Variants in UPF3B observed in about 807,000 individuals in gnomAD.
UPF3B encodes UPF3B regulator of nonsense mediated mRNA decay, also known as regulator of nonsense transcripts 3B.
A neutral mutation model predicts 40.3 loss-of-function variants in UPF3B; 7 were observed. The observed-to-expected ratio is 0.17, with a 90% CI of 0.10 to 0.33. The LOEUF (loss-of-function observed/expected upper bound fraction) is 0.33. Ranked by LOEUF, UPF3B falls within the 10% of genes least tolerant of loss-of-function variation. The pLI, the probability that UPF3B is intolerant of heterozygous loss-of-function variation, is 1.00. For missense variants in UPF3B, 229 were observed against 358.9 expected (o/e 0.64, Z 2.93); for synonymous variants, 117 against 117.3 (o/e 1.00, Z 0.01).
chrX:119,831,309 TCTC>T (rs1412318652), downstream of UPF3B, among the ~76,000 whole-genome samples: 8 of 106,662 alleles, frequency 7.5e-5, no homozygotes, highest in Admixed American at 6.0e-4. Flanking sequence ...ATCACACACC[TCTC>T]CTCCTCCTTT....
chrX:119,822,995 G>A lies in UPF3B; in HGVS notation c.442C>T (p.Arg148Ter). 1.1e-6 allele frequency: 1 copy of A among 890,506 alleles called. No individual in the cohort carries two copies. Among genetic ancestry groups the A allele is most frequent in the South Asian group, 3.2e-5 (1 of 31,470 alleles). 73.4% of individuals were successfully genotyped at this position (890,506 alleles called of 1,213,427 possible). ...GACTTGTCATCAGGGTGCCAGAGTC[G>A]ACCTCGGCCTCGAGCTCCTCGATGG... is the stretch of plus-strand genomic sequence containing the variant. The change falls in exon 4 of 7, where the codon CGA (arginine) becomes TGA (stop). Residue 148 changes from arginine (R) to a stop codon, truncating the protein, a stop_gained. Transcript: ENST00000636792. LOFTEE classifies it high-confidence loss of function.
At chrX:119,813,985 A>G (rs967972698) in intron 5 of UPF3B, among the ~76,000 whole-genome samples, 91 of 112,065 alleles carry the variant, frequency 8.1e-4, no homozygotes, top group African/African-American at 2.8e-3. Flanking sequence ...AAGGCATGCT[A>G]GCGAAGGCAG....
chrX:119,827,687 G>A (rs1015395419), intron 3 of UPF3B, among the ~76,000 whole-genome samples: 1 of 109,630 alleles, frequency 9.1e-6, no homozygotes, highest in African/African-American at 3.3e-5. Context: ...GAGCTACCGC[G>A]CCCAGCCTTT....
At chrX:119,845,541 T>C (rs2056217637) in intron 3 of UPF3B, among the ~76,000 whole-genome samples, 1 of 112,448 alleles carries the variant, frequency 8.9e-6, no homozygotes, top group African/African-American at 3.2e-5. Flanking sequence ...ATTCAACTTA[T>C]AAAATGTGAT....
Position 119,838,048 on chromosome X carries a change from A to G in UPF3B, c.1011T>C (p.Pro337=), listed in dbSNP as rs1467507776. The change falls in exon 10 of 11, where the codon CCT becomes CCC. Residue 337 remains proline (P), a synonymous_variant. Coordinates refer to ENST00000276201, the MANE Select transcript of UPF3B (RefSeq NM_080632.3). The part of the protein sequence containing the change: ...SELKDEKPKR[P]EDESGRDYRE... The stretch of plus-strand genomic sequence containing the variant: ...TATAGTCTCTGCCGCTCTCATCTTC[A>G]GGTCTGCATGAAAAACAAATCTGAG... 3 of 1,210,310 alleles carry G rather than the reference A, an allele frequency of 2.5e-6. No homozygotes were observed. In the Admixed American group the frequency reaches 6.5e-5, roughly 26 times the overall value.
chrX:119,823,265 T>A (rs1180565395), intron 3 of UPF3B, among the ~76,000 whole-genome samples: 3 of 111,782 alleles, frequency 2.7e-5, no homozygotes, highest in Non-Finnish European at 5.6e-5. Context: ...TAAATTTATT[T>A]TCTTTGGAGA....
intron 4 of UPF3B, 141 bp downstream of exon 4, chrX:119,845,057 C>T: frequency 2.0e-6 from 1 of 490,898 alleles, no homozygotes; most frequent in Non-Finnish European, 3.5e-6. Context: ...AGCAAAGCTT[C>T]CATCGGCAAA....
At chrX:119,835,401 G>C (rs1277513967) in intron 10 of UPF3B, among the ~76,000 whole-genome samples, 1 of 111,436 alleles carries the variant, frequency 9.0e-6, no homozygotes, top group African/African-American at 3.3e-5. Context: ...ACACTGGGCT[G>C]TTTTTACATT....
intron 3 of UPF3B, among the ~76,000 whole-genome samples, chrX:119,826,253 G>A (rs1569459919): frequency 9.0e-6 from 1 of 110,834 alleles, no homozygotes; most frequent in Non-Finnish European, 1.9e-5. Flanking sequence ...GGTCTAGGTG[G>A]GTGGAAAAAC....
In UPF3B at chrX:119,851,571, G is replaced by A. The variant is rs746711145; in HGVS notation, c.294C>T (p.Tyr98=). ...TGTCCTCTTGGTTTTTAAAGTTGAT[G>A]TATGCTCTGGCATACATATGAGGAT... ...SLYPHMYARA[Y]INFKNQEDII... The change falls in exon 3 of 11, where the codon TAC becomes TAT. Residue 98 remains tyrosine (Y), a synonymous_variant. Transcript: ENST00000276201. The A allele has an allele frequency of 3.3e-5, 40 of 1,203,506 alleles. No individual in the cohort carries two copies. The highest frequency in any genetic ancestry group is 3.9e-5 in the Non-Finnish European group (35 of 889,959).
intron 3 of UPF3B, among the ~76,000 whole-genome samples, chrX:119,828,944 C>T (rs1387461616): frequency 1.4e-4 from 16 of 111,521 alleles, no homozygotes; most frequent in Non-Finnish European, 3.8e-5. Context: ...TGGTTTTGAA[C>T]TCCTGACCTC....
At chrX:119,837,653 T>G in intron 10 of UPF3B, 104 bp downstream of exon 10, 1 of 864,881 alleles carries the variant, frequency 1.2e-6, no homozygotes, top group Non-Finnish European at 1.6e-6. Flanking sequence ...ATGATTAAAG[T>G]TCCCCTTTAA....
intron 4 of UPF3B, among the ~76,000 whole-genome samples, chrX:119,816,182 A>C (rs760727090): frequency 8.9e-6 from 1 of 111,797 alleles, no homozygotes; most frequent in Admixed American, 9.6e-5. Flanking sequence ...AAGTAGAAGA[A>C]AGGTGGCACT....
rs765408299 is a variant in UPF3B at position 119,843,237 on chromosome X, T to C, written c.534A>G (p.Pro178=). The C allele has an allele frequency of 8.3e-7, 1 of 1,209,144 alleles. No homozygotes were observed. The highest frequency in any genetic ancestry group is 1.8e-5 in the South Asian group (1 of 56,937). ...ATDNEKMTST[P]ETLLEEIEAK... is the part of the protein sequence containing the mutation. ...CTTCTATTTCCTCTAGCAGTGTCTCTGGAGTAGATGTCATTTTCTCATTAT... is the reference window on the plus strand; with the variant it reads ...CTTCTATTTCCTCTAGCAGTGTCTCCGGAGTAGATGTCATTTTCTCATTAT... The change falls in exon 5 of 11, where the codon CCA becomes CCG. Residue 178 remains proline, a synonymous_variant. Transcript: ENST00000276201.
At position 119,842,605 on chromosome X, in the gene UPF3B, TACAC is replaced by T. The variant is rs543555558; in HGVS notation, c.580+582_580+585del. Among the ~76,000 whole-genome samples the T allele has an allele frequency of 4.1e-3, 371 of 91,390 alleles. 2 individuals carry two copies. The highest frequency in any genetic ancestry group is 6.0e-3 in the Non-Finnish European group (279 of 46,286). 79.4% of individuals were successfully genotyped at this position (91,390 alleles called of 115,157 possible). On this transcript the variant is annotated intron_variant, in intron 5 of 10. Coordinates refer to ENST00000276201, the MANE Select transcript of UPF3B (RefSeq NM_080632.3). ...TCACACACACACACACACACACACA[TACAC>T]ACACACACACACACACACACAGAGA...
chrX:119,808,353 CT>C (rs956096310), intron 5 of UPF3B, among the ~76,000 whole-genome samples: 2 of 103,057 alleles, frequency 1.9e-5, no homozygotes, highest in Non-Finnish European at 2.0e-5. Flanking sequence ...AGGGAGGGCC[CT>C]CCTGTGGTTT....
At chrX:119,811,687 C>T (rs889746743) in intron 5 of UPF3B, among the ~76,000 whole-genome samples, 13 of 109,504 alleles carry the variant, frequency 1.2e-4, no homozygotes, top group Non-Finnish European at 2.3e-4. Context: ...CACGGTGGCT[C>T]ATACCTGTAA....
chrX:119,827,544 G>A (rs2056405942), intron 3 of UPF3B, among the ~76,000 whole-genome samples: 1 of 108,658 alleles, frequency 9.2e-6, no homozygotes, highest in Non-Finnish European at 1.9e-5. Flanking sequence ...GACTACAGGT[G>A]CACCACCACG....
downstream of UPF3B, among the ~76,000 whole-genome samples, chrX:119,833,538 G>T (rs753613520): frequency 3.6e-5 from 4 of 110,850 alleles, no homozygotes; most frequent in South Asian, 1.5e-3. Context: ...ATGGGGTCTT[G>T]CTCTGTTGCC....
Sources: gnomAD v4.1 joint callset for allele counts (sites outside exome capture counted in the v4.1 genomes callset) on GRCh38, gnomAD v4.1.1 for gene constraint, MANE v1.5 for transcripts, NCBI Gene and HGNC (gene_info 2026-07-23, HGNC 2026-07-21) for gene names.